The following IMMP2L variants were observed in gnomAD, a reference collection of about 807,000 sequenced individuals.
IMMP2L encodes the protein inner mitochondrial membrane peptidase subunit 2, also known as mitochondrial inner membrane protease subunit 2.
IMMP2L carries 18 observed loss-of-function variants against 19.3 expected under a neutral mutation model. That is an observed-to-expected ratio of 0.93 (90% CI 0.64 to 1.38). The LOEUF is 1.38. Among genes scored for constraint, IMMP2L ranks in the 40% most tolerant of loss-of-function variants. The pLI is 0.00. For synonymous variants in IMMP2L, 76 were observed against 73.0 expected (o/e 1.04, Z -0.21); for missense variants, 233 against 218.2 (o/e 1.07, Z -0.43).
intron 3 of IMMP2L, among the ~76,000 whole-genome samples, chr7:111,229,356 T>C (rs1207725985): frequency 1.3e-5 from 2 of 152,058 alleles, no homozygotes; most frequent in Non-Finnish European, 2.9e-5. Flanking sequence ...ATTGATACAA[T>C]CTGTATCATG....
chr7:110,744,501 T>C lies in IMMP2L; in HGVS notation c.409-80780A>G, dbSNP rs145709838. Among the ~76,000 whole-genome samples, 251 of 152,282 alleles carry C rather than the reference T, an allele frequency of 1.6e-3. 1 individual carries two copies. The highest frequency in any genetic ancestry group is 5.7e-3 in the African/African-American group (236 of 41,574). On this transcript the variant is annotated intron_variant, in intron 5 of 5. Coordinates refer to ENST00000405709, the MANE Select transcript of IMMP2L (RefSeq NM_032549.4). ...ACAGACACCTCATACAGGAGAGCTC[T>C]GGCTGGCATCTGGTGGGTGCCCCTC...
chr7:110,856,635 G>C (rs1806808314), intron 5 of IMMP2L, among the ~76,000 whole-genome samples: 1 of 151,976 alleles, frequency 6.6e-6, no homozygotes. Flanking sequence ...TGGCACGTAA[G>C]GGAAATTGAT....
chr7:110,836,702 A>T (rs1354563155), intron 5 of IMMP2L, among the ~76,000 whole-genome samples: 1 of 152,134 alleles, frequency 6.6e-6, no homozygotes, highest in Non-Finnish European at 1.5e-5. Context: ...ATAAGTTATT[A>T]AAAAATCCCC....
chr7:111,402,842 C>G (rs1833552281), intron 3 of IMMP2L, among the ~76,000 whole-genome samples: 1 of 108,298 alleles, frequency 9.2e-6, no homozygotes, highest in South Asian at 3.7e-4. Flanking sequence ...ATTTTCTGTT[C>G]CAGACACATT....
intron 3 of IMMP2L, among the ~76,000 whole-genome samples, chr7:111,033,287 C>G (rs913723943): frequency 4.6e-5 from 7 of 152,132 alleles, no homozygotes; most frequent in Admixed American, 1.3e-4. Context: ...ATTACACATT[C>G]AACCGTGACT....
chr7:111,074,095 T>C (rs1270826059), intron 3 of IMMP2L, among the ~76,000 whole-genome samples: 1 of 152,152 alleles, frequency 6.6e-6, no homozygotes, highest in Admixed American at 6.6e-5. Flanking sequence ...AACTACATGC[T>C]CACAAAACAT....
intron 3 of IMMP2L, among the ~76,000 whole-genome samples, chr7:111,287,243 C>T (rs1245993367): frequency 2.0e-5 from 3 of 152,128 alleles, no homozygotes; most frequent in Admixed American, 2.0e-4. Context: ...TAAGAAGGAG[C>T]ATATATCCTG....
rs115065205 is a variant in IMMP2L, at chr7:111,069,116, G to A, written c.240-105551C>T. ...GCAAATAACTTCATTATTTTATTTTGTAATGTTCCCATCTTTAAATTGAGG... is the reference window on the plus strand; with the variant it reads ...GCAAATAACTTCATTATTTTATTTTATAATGTTCCCATCTTTAAATTGAGG... On this transcript the variant is annotated intron_variant, in intron 3 of 5. Coordinates refer to ENST00000405709, the MANE Select transcript of IMMP2L (RefSeq NM_032549.4). Among the ~76,000 whole-genome samples the A allele has an allele frequency of 8.8e-3, 1,333 of 152,238 alleles. 22 individuals are homozygous for A. Among genetic ancestry groups the A allele is most frequent in the African/African-American group, 0.029 (1,211 of 41,546 alleles).
rs575105397 is a variant in IMMP2L at position 110,974,888 on chromosome 7, T to C, written c.240-11323A>G. On this transcript the variant is annotated intron_variant, in intron 3 of 5. Coordinates refer to ENST00000405709, the MANE Select transcript of IMMP2L (RefSeq NM_032549.4). ...TTATTTACTGCTATCTTGTTTTGTG[T>C]TATACGTAGGAGAAAAATTTTGTAA... 1.1e-3 allele frequency among the ~76,000 whole-genome samples: 161 copies of C among 152,288 alleles called. 1 individual carries two copies. The highest frequency in any genetic ancestry group is 3.8e-3 in the African/African-American group (158 of 41,574).
intron 3 of IMMP2L, among the ~76,000 whole-genome samples, chr7:111,064,022 G>A (rs1442904561): frequency 1.3e-5 from 2 of 152,054 alleles, no homozygotes; most frequent in Non-Finnish European, 2.9e-5. Flanking sequence ...CCACTCTACT[G>A]GTACCAATTT....
At chr7:111,379,338 A>G (rs979500829) in intron 3 of IMMP2L, among the ~76,000 whole-genome samples, 1 of 151,828 alleles carries the variant, frequency 6.6e-6, no homozygotes, top group Admixed American at 6.6e-5. Flanking sequence ...CAAGGAACGT[A>G]CCCAATGAGA....
rs1368530520 is a variant in IMMP2L at position 111,124,076 on chromosome 7, A to C, written c.240-160511T>G. On this transcript the variant is annotated intron_variant, in intron 3 of 5. Coordinates refer to ENST00000405709, the MANE Select transcript of IMMP2L (RefSeq NM_032549.4). The stretch of plus-strand genomic sequence containing the variant: ...AGCTTTCCTTCTAATCTAAATGTAG[A>C]AGCTGGGAGCTATGTTTCCTTTCAC... The C allele has an allele frequency of 8.1e-6, 13 of 1,613,894 alleles. No homozygotes were observed. Among genetic ancestry groups the C allele is most frequent in the African/African-American group, 1.3e-5 (1 of 74,898 alleles).
chr7:110,841,903 T>G (rs1363296717), intron 5 of IMMP2L, among the ~76,000 whole-genome samples: 1 of 152,134 alleles, frequency 6.6e-6, no homozygotes, highest in Non-Finnish European at 1.5e-5. Flanking sequence ...AACATAAATA[T>G]GTCTAAGTTA....
intron 5 of IMMP2L, among the ~76,000 whole-genome samples, chr7:110,738,242 G>C (rs895200959): frequency 1.3e-5 from 2 of 152,106 alleles, no homozygotes; most frequent in Non-Finnish European, 2.9e-5. Context: ...GAATTCAAAA[G>C]GTTGATTATT....
intron 3 of IMMP2L, among the ~76,000 whole-genome samples, chr7:111,272,892 C>T (rs1818620363): frequency 6.6e-6 from 1 of 152,042 alleles, no homozygotes; most frequent in South Asian, 2.1e-4. Flanking sequence ...AGCAAGAGTA[C>T]AGAAATTAGC....
At position 111,435,835 on chromosome 7, in the gene IMMP2L, T is replaced by G. The variant is rs144791199; in HGVS notation, c.239+51403A>C. The stretch of plus-strand genomic sequence containing the variant: ...TAGATCCACCCCGGGCAACAGTTCT[T>G]CCAGACCCTTCAGTGTTTTGGGGGC... On this transcript the variant is annotated intron_variant, in intron 3 of 5. Transcript: ENST00000405709. Among the ~76,000 whole-genome samples the G allele has an allele frequency of 1.4e-4, 22 of 151,910 alleles. No individual in the cohort carries two copies. The East Asian group carries it at 2.5e-3, about 17-fold the overall frequency.
chr7:110,902,651 G>A lies in IMMP2L; in HGVS notation c.306-15956C>T, dbSNP rs535661092. ...CTAAAGAGTACAGACTCGGCCGGGC[G>A]CGGTGGCTCACGCCTGTAATCCCAG... On this transcript the variant is annotated intron_variant, in intron 4 of 5. Transcript: ENST00000405709. Among the ~76,000 whole-genome samples the A allele has an allele frequency of 6.8e-4, 26 of 38,332 alleles. 10 individuals are homozygous for A. The highest frequency in any genetic ancestry group is 3.8e-3 in the African/African-American group (24 of 6,312). The allele number at this position is 38,332 out of a possible 152,430, so 25.1% of individuals were successfully genotyped here.
At chr7:110,975,757 T>C (rs1470435433) in intron 3 of IMMP2L, among the ~76,000 whole-genome samples, 4 of 152,124 alleles carry the variant, frequency 2.6e-5, no homozygotes, top group African/African-American at 9.7e-5. Context: ...ACACTAGCAC[T>C]GCAATGGGTT....
chr7:110,865,891 T>C (rs1271498512), intron 5 of IMMP2L, among the ~76,000 whole-genome samples: 2 of 151,972 alleles, frequency 1.3e-5, no homozygotes, highest in Admixed American at 1.3e-4. Flanking sequence ...TATACTTAAG[T>C]ATAGGCTAAA....
Sources: allele counts gnomAD v4.1 joint callset (sites outside exome capture counted in the v4.1 genomes callset), GRCh38; gene constraint gnomAD v4.1.1; transcripts MANE v1.5; gene names NCBI Gene and HGNC (gene_info 2026-07-23, HGNC 2026-07-21).